TAB1: variants seen among roughly 807,000 people sequenced by gnomAD.
TAB1 encodes the protein TGF-beta-activated kinase 1 and MAP3K7-binding protein 1.
TAB1 carries 30 observed loss-of-function variants against 54.5 expected under a neutral mutation model. The ratio of observed to expected loss-of-function variants is 0.55; its 90% CI spans 0.41 to 0.75. The LOEUF is 0.75. Ranked by LOEUF, TAB1 falls within the 30% of genes least tolerant of loss-of-function variation. TAB1 has a pLI of 0.00. For missense variants in TAB1, 609 were observed against 683.2 expected (o/e 0.89, Z 1.21); for synonymous variants, 289 against 286.9 (o/e 1.01, Z -0.07).
At chr22:39,418,672 C>G in intron 5 of TAB1, 60 bp from the exon 6 acceptor site, 2 of 1,283,768 alleles carry the variant, frequency 1.6e-6, no homozygotes, top group South Asian at 2.4e-5. Flanking sequence ...TCTGCCTTCC[C>G]GGTATGCCCT....
At chr22:39,405,720 C>T (rs1271136383) in intron 1 of TAB1, among the ~76,000 whole-genome samples, 2 of 152,190 alleles carry the variant, frequency 1.3e-5, no homozygotes, top group African/African-American at 4.8e-5. Flanking sequence ...GTCCTGTAGG[C>T]TTTAATGGAA....
At chr22:39,406,913 G>A (rs772196648) in intron 1 of TAB1, among the ~76,000 whole-genome samples, 14 of 152,192 alleles carry the variant, frequency 9.2e-5, no homozygotes, top group Admixed American at 2.0e-4. Flanking sequence ...GATTACAGGC[G>A]TGAGCCACTG....
intron 7 of TAB1, 26 bp downstream of exon 7, chr22:39,419,656 G>A: frequency 1.3e-6 from 2 of 1,539,660 alleles, no homozygotes; most frequent in Non-Finnish European, 1.8e-6. Context: ...GCTGTCCCCT[G>A]TGCTTGAAAG....
intron 1 of TAB1, among the ~76,000 whole-genome samples, chr22:39,405,685 G>A (rs746305933): frequency 7.8e-4 from 118 of 152,256 alleles, no homozygotes; most frequent in Non-Finnish European, 9.8e-4. Flanking sequence ...CAGAAATGTG[G>A]AGGAAGGAAG....
At chr22:39,433,546 G>T, downstream of TAB1, 1 of 985,408 alleles carries the variant, frequency 1.0e-6, no homozygotes, top group Non-Finnish European at 1.2e-6. Context: ...GTTGTCCCAG[G>T]ACGGGGGCAG....
chr22:39,399,790 G>A lies in TAB1; in HGVS notation c.-13G>A. On this transcript the variant is annotated 5_prime_UTR_variant, in exon 1 of 11. Transcript: ENST00000216160. ...TGCGGGGAGGCGGGCGCTCCCGCAGGGGTTCCTCCAAGATGGCGGCGCAGA... is the reference window on the plus strand; with the variant it reads ...TGCGGGGAGGCGGGCGCTCCCGCAGAGGTTCCTCCAAGATGGCGGCGCAGA... The A allele has an allele frequency of 6.3e-7, 1 of 1,587,692 alleles. No homozygotes were observed. The highest frequency in any genetic ancestry group is 8.6e-7 in the Non-Finnish European group (1 of 1,167,642).
At chr22:39,399,923 T>C in intron 1 of TAB1, 88 bp downstream of exon 1, 4 of 1,417,844 alleles carry the variant, frequency 2.8e-6, no homozygotes, top group Non-Finnish European at 3.9e-6. Flanking sequence ...TCTCCGAGTT[T>C]GGACAGCCAC....
Position 39,430,711 on chromosome 22 carries a change from C to G in TAB1, c.*489C>G, listed in dbSNP as rs111463572. On this transcript the variant is annotated 3_prime_UTR_variant, in exon 11 of 11. Transcript: ENST00000216160. ...TGTGCTCCTGCATCCAGAGTGGAAC[C>G]CAGGCTGGTGTCCGCATCTGTCCCT... 1.3e-5 allele frequency: 13 copies of G among 1,028,804 alleles called. No individual in the cohort carries two copies. In the African/African-American group the frequency reaches 1.3e-4, roughly 11 times the overall value. 63.7% of individuals were successfully genotyped at this position (1,028,804 alleles called of 1,614,324 possible).
At chr22:39,418,931 T>C (rs1926953720) in intron 6 of TAB1, 86 bp downstream of exon 6, 3 of 1,096,818 alleles carry the variant, frequency 2.7e-6, no homozygotes, top group Non-Finnish European at 1.4e-6. Context: ...AGGCGTGTGG[T>C]AGAGGGGCTG....
Position 39,428,080 on chromosome 22 carries a change from A to G in TAB1, c.1204A>G (p.Lys402Glu), listed in dbSNP as rs1168076616. 2 of 1,613,820 alleles carry G rather than the reference A, an allele frequency of 1.2e-6. No individual in the cohort carries two copies. Among genetic ancestry groups the G allele is most frequent in the East Asian group, 2.2e-5 (1 of 44,876 alleles). The part of the protein sequence containing the change: ...VPYSSAQSTS[K>E]TSVTLSLVMP... ...ATACTCCAGCGCCCAGAGCACCAGC[A>G]AGACCAGCGTGACCCTCTCCCTTGT... The change falls in exon 10 of 11, where the codon AAG becomes GAG. Residue 402 changes from lysine to glutamate, a missense_variant. By Grantham distance (56) the Lys-to-Glu change is moderately conservative (BLOSUM62 1). Coordinates refer to ENST00000216160, the MANE Select transcript of TAB1 (RefSeq NM_006116.3).
intron 10 of TAB1, among the ~76,000 whole-genome samples, chr22:39,429,599 TC>T (rs1267125408): frequency 1.3e-5 from 2 of 152,090 alleles, no homozygotes; most frequent in Admixed American, 1.3e-4. Context: ...TGCCTCAACC[TC>T]CCGAGCAGCT....
chr22:39,431,423 G>A lies in TAB1; in HGVS notation c.*1201G>A. The A allele has an allele frequency of 4.1e-6, 4 of 985,526 alleles. No individual in the cohort carries two copies. Among genetic ancestry groups the A allele is most frequent in the Non-Finnish European group, 4.8e-6 (4 of 830,010 alleles). The allele number at this position is 985,526 out of a possible 1,614,324, so 61.0% of individuals were successfully genotyped here. ...AGCTCAGACCTGAGCCATTTTGTCA[G>A]TATCCAGGACCCCCCGGATTCTCCA... On this transcript the variant is annotated 3_prime_UTR_variant, in exon 11 of 11. Coordinates refer to ENST00000216160, the MANE Select transcript of TAB1 (RefSeq NM_006116.3).
At chr22:39,420,103 T>A (rs1283330374) in intron 7 of TAB1, among the ~76,000 whole-genome samples, 1 of 152,230 alleles carries the variant, frequency 6.6e-6, no homozygotes, top group Non-Finnish European at 1.5e-5. Context: ...AGATGAATTG[T>A]GTATTTCCCT....
intron 8 of TAB1, among the ~76,000 whole-genome samples, chr22:39,426,111 A>G (rs5757667): frequency 0.71 from 107,483 of 152,022 alleles, 38,279 homozygotes; most frequent in East Asian, 0.96. Context: ...CTCCCACCTC[A>G]GCCTCCCAAA....
chr22:39,421,073 CTTCTT>C (rs1199941299), intron 7 of TAB1, among the ~76,000 whole-genome samples: 1 of 151,658 alleles, frequency 6.6e-6, no homozygotes, highest in Non-Finnish European at 1.5e-5. Flanking sequence ...CCTGCTCCTC[CTTCTT>C]TTCTTTTTTT....
At chr22:39,424,602 C>T (rs1183240487) in intron 8 of TAB1, among the ~76,000 whole-genome samples, 5 of 152,006 alleles carry the variant, frequency 3.3e-5, no homozygotes, top group Non-Finnish European at 5.9e-5. Flanking sequence ...GTGCCACCAC[C>T]ACACCCGGCT....
intron 10 of TAB1, chr22:39,429,128 G>T (rs770367911): frequency 4.1e-5 from 40 of 985,454 alleles, no homozygotes; most frequent in Non-Finnish European, 4.7e-5. Context: ...ACTCCTTTCA[G>T]CGTCTGAGCC....
intron 3 of TAB1, among the ~76,000 whole-genome samples, chr22:39,416,344 T>C (rs1926833704): frequency 6.6e-6 from 1 of 152,182 alleles, no homozygotes; most frequent in African/African-American, 2.4e-5. Flanking sequence ...GTTGTAGTAA[T>C]CATACGAGCT....
At chr22:39,399,909 T>C in intron 1 of TAB1, 74 bp downstream of exon 1, 2 of 1,503,188 alleles carry the variant, frequency 1.3e-6, no homozygotes, top group Admixed American at 2.0e-5. Flanking sequence ...CAGGAACGGC[T>C]CCTTCTCCGA....
Sources: gnomAD v4.1 joint callset for allele counts (sites outside exome capture counted in the v4.1 genomes callset) on GRCh38, gnomAD v4.1.1 for gene constraint, MANE v1.5 for transcripts, NCBI Gene and HGNC (gene_info 2026-07-23, HGNC 2026-07-21) for gene names.